The following DGKB variants were observed in gnomAD, a reference collection of about 807,000 sequenced individuals.
DGKB encodes diacylglycerol kinase beta.
In DGKB, 67 loss-of-function variants were observed where a neutral mutation model predicts 114.3. That is an observed-to-expected ratio of 0.59 (90% CI 0.48 to 0.72). DGKB has a LOEUF of 0.72. Ranked by LOEUF, DGKB falls within the 30% of genes least tolerant of loss-of-function variation. The probability of loss-of-function intolerance (pLI) is 0.00; values close to 1 mark genes in which losing one functional copy is unlikely to be tolerated. For synonymous variants in DGKB, 398 were observed against 323.1 expected, an observed-to-expected ratio of 1.23 and a Z score of -2.49; for missense variants, 907 against 975.2, an observed-to-expected ratio of 0.93 and a Z score of 0.93.
intron 23 of DGKB, among the ~76,000 whole-genome samples, chr7:14,237,765 T>G (rs1399298337): frequency 6.6e-6 from 1 of 152,038 alleles, no homozygotes; most frequent in East Asian, 1.9e-4. Flanking sequence ...AGATCATCTT[T>G]TTTAATTTGC....
intron 1 of DGKB, among the ~76,000 whole-genome samples, chr7:14,928,537 TC>T (rs1318836991): frequency 6.6e-5 from 10 of 151,968 alleles, no homozygotes; most frequent in African/African-American, 2.4e-4. Context: ...CAGTGCCTCA[TC>T]CTACTGTTAT....
intron 20 of DGKB, among the ~76,000 whole-genome samples, chr7:14,555,028 T>C (rs973780870): frequency 1.3e-4 from 20 of 152,204 alleles, no homozygotes; most frequent in African/African-American, 4.1e-4. Context: ...CTGACAAGTT[T>C]TCCTGTTCCG....
intron 4 of DGKB, among the ~76,000 whole-genome samples, chr7:14,742,456 T>C (rs1440632036): frequency 6.6e-6 from 1 of 152,186 alleles, no homozygotes; most frequent in African/African-American, 2.4e-5. Context: ...CTTTGAGAAA[T>C]AAAAAGTCTT....
intron 6 of DGKB, among the ~76,000 whole-genome samples, chr7:14,709,286 G>C (rs1434395518): frequency 8.0e-5 from 12 of 150,106 alleles, no homozygotes; most frequent in Admixed American, 8.0e-4. Flanking sequence ...ACACCAGTTA[G>C]AATGGCAGTC....
intron 2 of DGKB, among the ~76,000 whole-genome samples, chr7:14,830,542 A>G (rs1846271850): frequency 6.6e-6 from 1 of 152,064 alleles, no homozygotes; most frequent in Non-Finnish European, 1.5e-5. Context: ...CCTACCCCAA[A>G]GCTTTCATTT....
chr7:14,477,829 G>A (rs1160349605), intron 21 of DGKB, among the ~76,000 whole-genome samples: 2 of 151,900 alleles, frequency 1.3e-5, no homozygotes, highest in Admixed American at 1.3e-4. Context: ...GTTTTTCCTT[G>A]GGATCAAGGT....
In DGKB at chr7:14,736,196, TGG is replaced by T. The variant is rs1831692138; in HGVS notation, c.169-4_169-3del. ...TTTGAAACCTTCAAAATCTATTGTC[TGG>T]AAAAAAAAAATGTAAACATGTATTT... On this transcript the variant is annotated splice_region_variant and splice_polypyrimidine_tract_variant and intron_variant, in intron 4 of 25. Coordinates refer to ENST00000402815, the MANE Select transcript of DGKB (RefSeq NM_001350709.2). 7.0e-7 allele frequency: 1 copy of T among 1,422,828 alleles called. No individual in the cohort carries two copies. The highest frequency in any genetic ancestry group is 9.6e-7 in the Non-Finnish European group (1 of 1,040,044). The allele number at this position is 1,422,828 out of a possible 1,614,324, so 88.1% of individuals were successfully genotyped here.
chr7:14,905,251 T>TTG (rs1371394631), upstream of DGKB, among the ~76,000 whole-genome samples: 3 of 151,036 alleles, frequency 2.0e-5, no homozygotes, highest in Non-Finnish European at 3.0e-5. Context: ...TTAGTTTTTT[T>TTG]TTTTTTTTTT....
In DGKB at chr7:14,554,458, T is replaced by C. The variant is rs537370441; in HGVS notation, c.1770+19754A>G. 2.6e-5 allele frequency among the ~76,000 whole-genome samples: 4 copies of C among 152,328 alleles called. No homozygotes were observed. The East Asian group carries it at 7.7e-4, about 29-fold the overall frequency. On this transcript the variant is annotated intron_variant, in intron 20 of 25. Coordinates refer to ENST00000402815, the MANE Select transcript of DGKB (RefSeq NM_001350709.2). Reference sequence around the variant, plus strand: ...GATAAATTTTTAGGTTTCCCAACTATTATGTCTTTAAATATGCTTTGTGCA... The same window carrying C: ...GATAAATTTTTAGGTTTCCCAACTACTATGTCTTTAAATATGCTTTGTGCA...
At chr7:14,276,223 C>T (rs1347372658) in intron 23 of DGKB, among the ~76,000 whole-genome samples, 1 of 152,026 alleles carries the variant, frequency 6.6e-6, no homozygotes, top group Non-Finnish European at 1.5e-5. Flanking sequence ...CTCTCCATTC[C>T]CTAAAAAAAG....
At chr7:14,395,791 A>T (rs2128717292) in intron 21 of DGKB, among the ~76,000 whole-genome samples, 1 of 152,112 alleles carries the variant, frequency 6.6e-6, no homozygotes, top group African/African-American at 2.4e-5. Context: ...AATAATAAAA[A>T]ACAGTGAATT....
At chr7:14,775,121 A>C (rs892690441) in intron 2 of DGKB, among the ~76,000 whole-genome samples, 2 of 152,032 alleles carry the variant, frequency 1.3e-5, no homozygotes, top group African/African-American at 4.8e-5. Flanking sequence ...ATATTTAGAA[A>C]ATTGGGATCC....
intron 1 of DGKB, among the ~76,000 whole-genome samples, chr7:14,938,814 T>C (rs1587419358): frequency 6.6e-6 from 1 of 152,186 alleles, no homozygotes; most frequent in East Asian, 1.9e-4. Flanking sequence ...AAATTATTCT[T>C]CATTTCCAGT....
chr7:14,792,981 G>T (rs923360557), intron 2 of DGKB, among the ~76,000 whole-genome samples: 1 of 151,998 alleles, frequency 6.6e-6, no homozygotes, highest in Admixed American at 6.6e-5. Flanking sequence ...AAATAGAGAA[G>T]AAAAACACAG....
At chr7:14,475,399 C>A (rs898218389) in intron 21 of DGKB, among the ~76,000 whole-genome samples, 17 of 152,226 alleles carry the variant, frequency 1.1e-4, no homozygotes, top group African/African-American at 3.8e-4. Context: ...GAATATATCA[C>A]ATTATGGTTT....
intron 23 of DGKB, among the ~76,000 whole-genome samples, chr7:14,337,084 T>C (rs1255478218): frequency 6.6e-6 from 1 of 152,152 alleles, no homozygotes; most frequent in Non-Finnish European, 1.5e-5. Context: ...TTTTTTAAGC[T>C]TGGTTTTAGT....
rs142100535 is a variant in DGKB at position 14,320,294 on chromosome 7, T to A, written c.2122+18221A>T. On this transcript the variant is annotated intron_variant, in intron 23 of 25. Transcript: ENST00000402815. ...TTCTGAGCTTATGACTTGGTTGGTCTAACAAAACTCAGCATATGGTGGGCC... is the reference window on the plus strand; with the variant it reads ...TTCTGAGCTTATGACTTGGTTGGTCAAACAAAACTCAGCATATGGTGGGCC... Among the ~76,000 whole-genome samples, 12 of 152,288 alleles carry A rather than the reference T, an allele frequency of 7.9e-5. 1 individual carries two copies. In the East Asian group the frequency reaches 1.5e-3, roughly 20 times the overall value.
chr7:14,748,126 C>T (rs1214003374), intron 4 of DGKB, among the ~76,000 whole-genome samples: 1 of 152,136 alleles, frequency 6.6e-6, no homozygotes, highest in South Asian at 2.1e-4. Flanking sequence ...TAGATTTTCT[C>T]ATATTCAGAA....
chr7:14,830,661 G>T (rs1315710753), intron 2 of DGKB, among the ~76,000 whole-genome samples: 1 of 152,006 alleles, frequency 6.6e-6, no homozygotes, highest in Non-Finnish European at 1.5e-5. Context: ...TTTGGCAGCT[G>T]CAGTCACTCA....
Sources: allele counts gnomAD v4.1 joint callset (sites outside exome capture counted in the v4.1 genomes callset), GRCh38; gene constraint gnomAD v4.1.1; transcripts MANE v1.5; gene names NCBI Gene and HGNC (gene_info 2026-07-23, HGNC 2026-07-21).